The following CDH10 variants were observed in gnomAD, a reference collection of about 807,000 sequenced individuals.
CDH10 encodes cadherin 10.
In CDH10, 30 loss-of-function variants were observed where a neutral mutation model predicts 73.1. That is an observed-to-expected ratio of 0.41 (90% confidence interval 0.31 to 0.56). The LOEUF is 0.56. Among genes scored for constraint, CDH10 ranks in the 20% least tolerant of loss-of-function variants. The pLI is 0.27. For synonymous variants in CDH10, 345 were observed against 348.2 expected (o/e 0.99, Z 0.10); for missense variants, 815 against 973.7 (o/e 0.84, Z 2.17).
intron 1 of CDH10, among the ~76,000 whole-genome samples, chr5:24,624,639 C>G (rs938703145): frequency 3.3e-5 from 5 of 152,102 alleles, no homozygotes; most frequent in African/African-American, 1.2e-4. Flanking sequence ...ATTCCAGGTT[C>G]AGAATGGAAT....
chr5:24,575,138 G>C (rs568416878), intron 2 of CDH10, among the ~76,000 whole-genome samples: 2 of 151,994 alleles, frequency 1.3e-5, no homozygotes, highest in East Asian at 3.9e-4. Context: ...GAGGCAGGCA[G>C]ATCACCTGAG....
At chr5:24,640,464 G>A (rs1748012221) in intron 1 of CDH10, among the ~76,000 whole-genome samples, 1 of 150,984 alleles carries the variant, frequency 6.6e-6, no homozygotes, top group Non-Finnish European at 1.5e-5. Context: ...CCTGAATCTT[G>A]AAATGTCATT....
At chr5:24,554,084 A>G (rs1429916089) in intron 2 of CDH10, 1 of 99,738 alleles carries the variant, frequency 1.0e-5, no homozygotes, top group Non-Finnish European at 2.0e-5. Context: ...GAGAGGAGAG[A>G]CAGAGAGAGA....
Position 24,638,779 on chromosome 5 carries a change from G to C in CDH10, c.-124+5815C>G, listed in dbSNP as rs142371181. On this transcript the variant is annotated intron_variant, in intron 1 of 11. Transcript: ENST00000264463. Reference sequence around the variant, plus strand: ...AAAAAAGAATAGAAAATATATTATAGTTGACTAAGCTAATAGATAATCATT... The same window carrying C: ...AAAAAAGAATAGAAAATATATTATACTTGACTAAGCTAATAGATAATCATT... Among the ~76,000 whole-genome samples, 861 of 151,854 alleles carry C rather than the reference G, an allele frequency of 5.7e-3. 11 individuals are homozygous for C. Among genetic ancestry groups the C allele is most frequent in the African/African-American group, 0.02 (813 of 41,506 alleles).
At chr5:24,616,072 A>T (rs77652990) in intron 1 of CDH10, among the ~76,000 whole-genome samples, 5 of 150,280 alleles carry the variant, frequency 3.3e-5, no homozygotes, top group Non-Finnish European at 5.9e-5. Context: ...TATGTTCTTT[A>T]AAAAAAGTAT....
chr5:24,611,403 G>A (rs1746945884), intron 1 of CDH10, among the ~76,000 whole-genome samples: 1 of 151,930 alleles, frequency 6.6e-6, no homozygotes. Context: ...ACAACACAGG[G>A]AGACTCTATC....
intron 2 of CDH10, among the ~76,000 whole-genome samples, chr5:24,565,412 G>C (rs1745132651): frequency 6.6e-6 from 1 of 151,970 alleles, no homozygotes; most frequent in Non-Finnish European, 1.5e-5. Context: ...ATAGCACAGA[G>C]AACATAAAAC....
At chr5:24,626,379 T>C (rs1747500610) in intron 1 of CDH10, among the ~76,000 whole-genome samples, 1 of 152,132 alleles carries the variant, frequency 6.6e-6, no homozygotes, top group South Asian at 2.1e-4. Flanking sequence ...TCTTTATCTG[T>C]TCCTTTTTCA....
intron 5 of CDH10, among the ~76,000 whole-genome samples, chr5:24,516,818 A>T (rs764381664): frequency 6.6e-6 from 1 of 151,660 alleles, no homozygotes. Flanking sequence ...CTCAAATCAA[A>T]CAAGTTTCCA....
chr5:24,506,459 C>T (rs1358725751), intron 7 of CDH10, among the ~76,000 whole-genome samples: 2 of 152,170 alleles, frequency 1.3e-5, no homozygotes, highest in African/African-American at 4.8e-5. Context: ...TGTAGCCTCT[C>T]ATGATGATGT....
chr5:24,600,936 G>A (rs1746539528), intron 1 of CDH10, among the ~76,000 whole-genome samples: 1 of 151,918 alleles, frequency 6.6e-6, no homozygotes, highest in African/African-American at 2.4e-5. Context: ...TGTAGACAGT[G>A]TTGGGTTATG....
intron 2 of CDH10, among the ~76,000 whole-genome samples, chr5:24,559,621 A>C (rs909142237): frequency 1.2e-4 from 18 of 152,052 alleles, no homozygotes; most frequent in African/African-American, 4.3e-4. Flanking sequence ...TGATATTGTG[A>C]AATTGTGGTT....
At position 24,640,084 on chromosome 5, in the gene CDH10, G is replaced by C. The variant is rs1747994978; in HGVS notation, c.-124+4510C>G. On this transcript the variant is annotated intron_variant, in intron 1 of 11. Coordinates refer to ENST00000264463, the MANE Select transcript of CDH10 (RefSeq NM_006727.5). The stretch of plus-strand genomic sequence containing the variant: ...CATATACTTTGTGCTATAATGCAAA[G>C]GATAGTGTAATAAATATAATGTATA... Among the ~76,000 whole-genome samples, 5 of 151,694 alleles carry C rather than the reference G, an allele frequency of 3.3e-5. No homozygotes were observed. In the South Asian group the frequency reaches 8.3e-4, roughly 25 times the overall value.
intron 8 of CDH10, 107 bp downstream of exon 8, chr5:24,505,005 G>T (rs1053108250): frequency 2.5e-6 from 2 of 802,218 alleles, no homozygotes; most frequent in Admixed American, 5.7e-5. Flanking sequence ...CAATGAGAAT[G>T]AATTATTTTT....
chr5:24,637,927 C>T (rs372966909), intron 1 of CDH10, among the ~76,000 whole-genome samples: 3 of 151,758 alleles, frequency 2.0e-5, no homozygotes, highest in South Asian at 4.2e-4. Context: ...TTTTCTTCTT[C>T]GACCTACCTA....
At chr5:24,507,551 G>A (rs2111739001) in intron 7 of CDH10, among the ~76,000 whole-genome samples, 1 of 151,844 alleles carries the variant, frequency 6.6e-6, no homozygotes, top group East Asian at 1.9e-4. Flanking sequence ...CTATTTCATT[G>A]TGTGGAGAAA....
rs141935008 is a variant in CDH10 at position 24,616,887 on chromosome 5, C to G, written c.-123-23274G>C. 7.7e-3 allele frequency among the ~76,000 whole-genome samples: 1,166 copies of G among 152,160 alleles called. 17 individuals are homozygous for G. The highest frequency in any genetic ancestry group is 0.027 in the African/African-American group (1,107 of 41,516). On this transcript the variant is annotated intron_variant, in intron 1 of 11. Transcript: ENST00000264463. ...TCTAGCAGTTATCTTATCAATATAT[C>G]TTTTTTAAAAAAATTCAAGGACATT...
intron 2 of CDH10, among the ~76,000 whole-genome samples, chr5:24,571,350 T>C (rs1745373348): frequency 6.6e-6 from 1 of 152,068 alleles, no homozygotes; most frequent in African/African-American, 2.4e-5. Flanking sequence ...CAACTTCAAT[T>C]AAGCTAAGAA....
chr5:24,642,871 G>A (rs550924585), intron 1 of CDH10, among the ~76,000 whole-genome samples: 4 of 150,820 alleles, frequency 2.7e-5, no homozygotes, highest in Non-Finnish European at 4.4e-5. Flanking sequence ...CAGGGAAGGC[G>A]TATGCATTCA....
Sources: allele counts gnomAD v4.1 joint callset (sites outside exome capture counted in the v4.1 genomes callset), GRCh38; gene constraint gnomAD v4.1.1; transcripts MANE v1.5; gene names NCBI Gene and HGNC (gene_info 2026-07-23, HGNC 2026-07-21).